The following FAM161A variants were observed in gnomAD, a reference collection of about 807,000 sequenced individuals.
The protein encoded by FAM161A is protein FAM161A.
FAM161A carries 57 observed loss-of-function variants against 70.9 expected under a neutral mutation model. That is an observed-to-expected ratio of 0.80 (90% CI 0.65 to 1.00). FAM161A has a LOEUF of 1.00. FAM161A is among the 50% of genes least tolerant of loss of function. The pLI is 0.00. For synonymous variants in FAM161A, 299 were observed against 295.7 expected, an observed-to-expected ratio of 1.01 and a Z score of -0.12; for missense variants, 880 against 836.0, an observed-to-expected ratio of 1.05 and a Z score of -0.65.
chr2:61,827,263 A>G lies in FAM161A; in HGVS notation c.1852-5T>C, dbSNP rs1034777699. 1.6e-5 allele frequency: 25 copies of G among 1,612,500 alleles called. No homozygotes were observed. Among genetic ancestry groups the G allele is most frequent in the African/African-American group, 2.7e-5 (2 of 75,024 alleles). ...TGCTGCCATTCTTGCATTTTTCTATAGGAAAGACAAACCTTTTTAGACGAG... is the reference window on the plus strand; with the variant it reads ...TGCTGCCATTCTTGCATTTTTCTATGGGAAAGACAAACCTTTTTAGACGAG... On this transcript the variant is annotated splice_region_variant and splice_polypyrimidine_tract_variant and intron_variant, in intron 5 of 6. Coordinates refer to ENST00000404929, the MANE Select transcript of FAM161A (RefSeq NM_001201543.2).
At chr2:61,826,745 A>AG in intron 6 of FAM161A, 146 bp from the exon 7 acceptor site, 1 of 725,936 alleles carries the variant, frequency 1.4e-6, no homozygotes, top group African/African-American at 1.8e-5. Context: ...AAAAAAAAGA[A>AG]GAAAACGCTA....
chr2:61,821,055 CTTTTTTTTTT>C, downstream of FAM161A, among the ~76,000 whole-genome samples: 1 of 143,394 alleles, frequency 7.0e-6, no homozygotes, highest in South Asian at 2.2e-4. Context: ...CTTTTTTTTT[CTTTTTTTTTT>C]TTTCTTAGAC....
chr2:61,839,916 G>C lies in FAM161A; in HGVS notation c.1088C>G (p.Ser363Cys), dbSNP rs374178531. 1.9e-6 allele frequency: 3 copies of C among 1,614,196 alleles called. No homozygotes were observed. Among genetic ancestry groups the C allele is most frequent in the Admixed American group, 1.7e-5 (1 of 60,022 alleles). The change falls in exon 3 of 7, where the codon TCT (serine) becomes TGT (cysteine). Residue 363 changes from serine to cysteine, a missense_variant. Coordinates refer to ENST00000404929, the MANE Select transcript of FAM161A (RefSeq NM_001201543.2). Reference protein sequence around the residue: ...NRFKARPIPRSTYGSTTNDKL... With the variant: ...NRFKARPIPRCTYGSTTNDKL... ...GTCATTGGTAGTTGAACCATAAGTA[G>C]ATCGAGGAATGGGTCTGGCTTTAAA...
intron 5 of FAM161A, among the ~76,000 whole-genome samples, chr2:61,828,954 G>T (rs866634688): frequency 6.6e-6 from 1 of 152,016 alleles, no homozygotes; most frequent in Non-Finnish European, 1.5e-5. Context: ...ACTGTTAGAG[G>T]GCCAAGAATT....
At chr2:61,842,395 G>A (rs1197030001) in intron 1 of FAM161A, 35 bp from the exon 2 acceptor site, 1 of 1,315,866 alleles carries the variant, frequency 7.6e-7, no homozygotes, top group Non-Finnish European at 1.1e-6. Flanking sequence ...TATAGTGACT[G>A]GAGCTGAAAG....
At chr2:61,815,017 A>G in the FAM161A span, among the ~76,000 whole-genome samples, 47,599 of 152,018 alleles carry the variant, frequency 0.31, 7,683 homozygotes, top group Middle Eastern at 0.38. Flanking sequence ...AGCTCCGTTT[A>G]TCCAAATCAG....
rs748847284 is a variant in FAM161A at position 61,840,157 on chromosome 2, G to A, written c.847C>T (p.Arg283Ter). The A allele has an allele frequency of 1.5e-5, 24 of 1,614,058 alleles. No homozygotes were observed. Among genetic ancestry groups the A allele is most frequent in the Admixed American group, 5.0e-5 (3 of 60,006 alleles). ...ACAGATGCAGGAACTGGATTGGCTC[G>A]GAATTTCTTCTTATACTCTGGATCC... ...EEDPEYKKKF[R>*]ANPVPASVFL... The change falls in exon 3 of 7, where the codon CGA (arginine) becomes TGA (stop). Residue 283 changes from arginine to a stop codon, truncating the protein, a stop_gained. Coordinates refer to ENST00000404929, the MANE Select transcript of FAM161A (RefSeq NM_001201543.2). LOFTEE classifies it high-confidence loss of function.
Position 61,825,093 on chromosome 2 carries a change from C to A in FAM161A, c.*1362G>T. The A allele has an allele frequency of 2.2e-6, 1 of 453,794 alleles. No individual in the cohort carries two copies. The allele number at this position is 453,794 out of a possible 1,614,324, so 28.1% of individuals were successfully genotyped here. On this transcript the variant is annotated 3_prime_UTR_variant, in exon 7 of 7. Transcript: ENST00000404929. Reference sequence around the variant, plus strand: ...AAAGCATAAATTGCCAGTTTGGAAACACTGCTATTACATACACCTGTATTA... The same window carrying A: ...AAAGCATAAATTGCCAGTTTGGAAAAACTGCTATTACATACACCTGTATTA...
At chr2:61,851,479 C>T (rs759523164) in intron 1 of FAM161A, among the ~76,000 whole-genome samples, 80 of 152,126 alleles carry the variant, frequency 5.3e-4, no homozygotes, top group African/African-American at 6.5e-4. Flanking sequence ...GGATTACAGG[C>T]GCGTGCCACC....
chr2:61,850,890 T>A (rs1673475140), intron 1 of FAM161A, among the ~76,000 whole-genome samples: 1 of 152,246 alleles, frequency 6.6e-6, no homozygotes, highest in Admixed American at 6.5e-5. Context: ...TTTTTGTTTT[T>A]TGAGATGGAG....
the FAM161A span, among the ~76,000 whole-genome samples, chr2:61,802,783 A>G: frequency 6.6e-6 from 1 of 152,200 alleles, no homozygotes; most frequent in South Asian, 2.1e-4. Flanking sequence ...CTACGGGTAC[A>G]GTAATTCGCA....
At position 61,825,098 on chromosome 2, in the gene FAM161A, C is replaced by T. The variant is rs1052966125; in HGVS notation, c.*1357G>A. ...ATAAATTGCCAGTTTGGAAACACTG[C>T]TATTACATACACCTGTATTAGTTCA... is the stretch of plus-strand genomic sequence containing the variant. On this transcript the variant is annotated 3_prime_UTR_variant, in exon 7 of 7. Coordinates refer to ENST00000404929, the MANE Select transcript of FAM161A (RefSeq NM_001201543.2). 27 of 453,500 alleles carry T rather than the reference C, an allele frequency of 6.0e-5. 1 individual carries two copies. The highest frequency in any genetic ancestry group is 5.9e-4 in the Admixed American group (25 of 42,518). 28.1% of individuals were successfully genotyped at this position (453,500 alleles called of 1,614,324 possible).
rs1415741501 is a variant in FAM161A at position 61,840,520 on chromosome 2, C to G, written c.484G>C (p.Asp162His). Residue 162 changes from aspartate (D) to histidine (H), a missense_variant, in exon 3 of 7, where the codon GAT becomes CAT. Physicochemically the swap from Asp to His is moderately conservative, Grantham distance 81. Transcript: ENST00000404929. Reference sequence around the variant, plus strand: ...TACAAGGAGGAAGACTGGCCTAAATCAGGCTCTGAAAATGATGTCATTAAT... The same window carrying G: ...TACAAGGAGGAAGACTGGCCTAAATGAGGCTCTGAAAATGATGTCATTAAT... ...VSLMTSFSEP[D>H]LGQSSSLYVS... The G allele has an allele frequency of 5.0e-6, 8 of 1,613,868 alleles. No individual in the cohort carries two copies. Among genetic ancestry groups the G allele is most frequent in the Non-Finnish European group, 6.8e-6 (8 of 1,179,878 alleles).
At chr2:61,822,096 T>G (rs990138086), downstream of FAM161A, among the ~76,000 whole-genome samples, 1 of 151,778 alleles carries the variant, frequency 6.6e-6, no homozygotes, top group African/African-American at 2.4e-5. Context: ...ACCCTGATTA[T>G]TACTTCCTCC....
chr2:61,849,067 TAAA>T (rs1673396139), intron 1 of FAM161A, among the ~76,000 whole-genome samples: 307 of 5,856 alleles, frequency 0.052, 117 homozygotes, highest in Non-Finnish European at 0.075. Context: ...TATATATATA[TAAA>T]TATATATATT....
chr2:61,837,184 T>C (rs542906856), intron 4 of FAM161A, among the ~76,000 whole-genome samples: 2 of 152,240 alleles, frequency 1.3e-5, no homozygotes, highest in African/African-American at 2.4e-5. Context: ...GTTATTTTTT[T>C]CCCCTAAATA....
At chr2:61,813,431 C>T in the FAM161A span, among the ~76,000 whole-genome samples, 1 of 151,154 alleles carries the variant, frequency 6.6e-6, no homozygotes, top group African/African-American at 2.4e-5. Flanking sequence ...GTCTGTAGTA[C>T]CAGCTACTTG....
rs955582621 is a variant in FAM161A, at chr2:61,840,723, T to G, written c.423-142A>C. On this transcript the variant is annotated intron_variant, in intron 2 of 6. Transcript: ENST00000404929. Reference sequence around the variant, plus strand: ...TGGAGTGCAGTGGTGTGATATCGGCTCACTGCAACCTCCACCTCCCAGGTT... The same window carrying G: ...TGGAGTGCAGTGGTGTGATATCGGCGCACTGCAACCTCCACCTCCCAGGTT... The G allele has an allele frequency of 2.0e-5, 13 of 658,396 alleles. No homozygotes were observed. The Middle Eastern group carries it at 1.6e-3, about 83-fold the overall frequency. The allele number at this position is 658,396 out of a possible 1,614,324, so 40.8% of individuals were successfully genotyped here.
chr2:61,824,096 G>A (rs1241082459), downstream of FAM161A, among the ~76,000 whole-genome samples: 2 of 150,004 alleles, frequency 1.3e-5, no homozygotes, highest in African/African-American at 2.5e-5. Flanking sequence ...GTGCCATCTC[G>A]GCTCACTGCA....
Sources: allele counts gnomAD v4.1 joint callset (sites outside exome capture counted in the v4.1 genomes callset), GRCh38; gene constraint gnomAD v4.1.1; transcripts MANE v1.5; gene names NCBI Gene and HGNC (gene_info 2026-07-23, HGNC 2026-07-21).